Variants in ANGEL1 observed in about 807,000 individuals in gnomAD.
ANGEL1 encodes the protein RNA 2',3'-cyclic phosphatase ANGEL1.
A neutral mutation model predicts 76.4 loss-of-function variants in ANGEL1; 62 were observed. The ratio of observed to expected loss-of-function variants is 0.81; its 90% CI spans 0.66 to 1.00. The LOEUF is 1.00. ANGEL1 is among the 50% of genes least tolerant of loss of function. The pLI, the probability that ANGEL1 is intolerant of heterozygous loss-of-function variation, is 0.00. For synonymous variants in ANGEL1, 340 were observed against 331.7 expected, an observed-to-expected ratio of 1.03 and a Z score of -0.27; for missense variants, 737 against 836.7, an observed-to-expected ratio of 0.88 and a Z score of 1.47.
At chr14:76,812,401 C>A in intron 1 of ANGEL1, 1 of 1,089,222 alleles carries the variant, frequency 9.2e-7, no homozygotes, top group African/African-American at 1.6e-5. Context: ...TAGGTCCGAG[C>A]TACTACCCCT....
intron 7 of ANGEL1, 71 bp downstream of exon 7, chr14:76,803,300 A>G: frequency 8.2e-7 from 1 of 1,224,852 alleles, no homozygotes; most frequent in Non-Finnish European, 1.2e-6. Context: ...AAGAGCAGGA[A>G]ACCACATAAC....
In ANGEL1 at chr14:76,787,300, AC is replaced by A. The variant is rs1168783168; in HGVS notation, c.*1927del. On this transcript the variant is annotated 3_prime_UTR_variant, in exon 10 of 10. Coordinates refer to ENST00000251089, the MANE Select transcript of ANGEL1 (RefSeq NM_015305.4). Reference sequence around the variant, plus strand: ...AAAAGAGTTTAAATAACAATTTAAAACCCCATTTCACTTTCAAAACAGAAAC... The same window carrying A: ...AAAAGAGTTTAAATAACAATTTAAAACCCATTTCACTTTCAAAACAGAAAC... 2 of 152,244 alleles carry A rather than the reference AC, an allele frequency of 1.3e-5. No individual in the cohort carries two copies. Among genetic ancestry groups the A allele is most frequent in the African/African-American group, 4.8e-5 (2 of 41,462 alleles). The allele number at this position is 152,244 out of a possible 1,614,324, so 9.4% of individuals were successfully genotyped here. A position where few individuals can be genotyped will look rare whatever the true frequency, so the allele number is the denominator to read the frequency against.
chr14:76,790,896 C>T (rs946149579), intron 8 of ANGEL1, 122 bp from the exon 9 acceptor site: 2 of 1,331,758 alleles, frequency 1.5e-6, no homozygotes, highest in African/African-American at 3.0e-5. Flanking sequence ...CAATCTCAGC[C>T]AATTCCTCCC....
Position 76,806,563 on chromosome 14 carries a change from CAGG to C in ANGEL1, c.1230_1232del (p.Leu411del), listed in dbSNP as rs1380320953. 3 of 1,614,188 alleles carry C rather than the reference CAGG, an allele frequency of 1.9e-6. No individual in the cohort carries two copies. The highest frequency in any genetic ancestry group is 2.5e-6 in the Non-Finnish European group (3 of 1,180,034). On this transcript the variant is annotated inframe_deletion, in exon 5 of 10. Coordinates refer to ENST00000251089, the MANE Select transcript of ANGEL1 (RefSeq NM_015305.4). ...GTCTGGCCACCTTGTCCACTTCCGC[CAGG>C]AGAATGGCCATCTGGGCCAGCTTGA...
chr14:76,812,515 G>C (rs1274739600), intron 1 of ANGEL1: 1 of 1,240,712 alleles, frequency 8.1e-7, no homozygotes, highest in Non-Finnish European at 1.0e-6. Flanking sequence ...CACCTTAACC[G>C]CGGCCGGACG....
At position 76,790,767 on chromosome 14, in the gene ANGEL1, C is replaced by G; in HGVS notation, c.1696G>C (p.Gly566Arg). ...AGGTGGAGGCAGTGCTGGATGGTAC[C>G]TACAGTCCTACAGGGATGAAGGGGG... Reference protein sequence around the residue: ...ELEPAFSRTVGTIQHCLHLTS... With the variant: ...ELEPAFSRTVRTIQHCLHLTS... The change falls in exon 9 of 10, where the codon GGT (glycine) becomes CGT (arginine). Residue 566 changes from glycine (G) to arginine (R), a missense_variant. Physicochemically the swap from Gly to Arg is moderately radical, Grantham distance 125. This residue lies in a region of ANGEL1 where 296 missense variants were observed against 387.2 expected (regional missense o/e 0.76). Coordinates refer to ENST00000251089, the MANE Select transcript of ANGEL1 (RefSeq NM_015305.4). The G allele has an allele frequency of 6.3e-7, 1 of 1,594,600 alleles. No homozygotes were observed. Among genetic ancestry groups the G allele is most frequent in the Non-Finnish European group, 8.5e-7 (1 of 1,170,938 alleles).
chr14:76,804,225 C>T, intron 5 of ANGEL1: 1 of 1,395,942 alleles, frequency 7.2e-7, no homozygotes, highest in Non-Finnish European at 9.2e-7. Context: ...TTCTCCTCCA[C>T]AGGGAATATC....
intron 7 of ANGEL1, among the ~76,000 whole-genome samples, chr14:76,801,623 T>G (rs1308920242): frequency 6.6e-6 from 1 of 152,194 alleles, no homozygotes; most frequent in East Asian, 1.9e-4. Flanking sequence ...TTTCTAACCT[T>G]TAACTTCTCA....
chr14:76,795,321 C>G (rs574049542), intron 7 of ANGEL1, among the ~76,000 whole-genome samples: 53 of 152,208 alleles, frequency 3.5e-4, no homozygotes, highest in Admixed American at 8.5e-4. Context: ...CAATATTGAA[C>G]TATCCCTATA....
At chr14:76,790,903 T>A (rs1894386796) in intron 8 of ANGEL1, 129 bp from the exon 9 acceptor site, 1 of 1,304,886 alleles carries the variant, frequency 7.7e-7, no homozygotes, top group Non-Finnish European at 1.0e-6. Context: ...AGCCAATTCC[T>A]CCCCATGCTA....
intron 6 of ANGEL1, 31 bp from the exon 7 acceptor site, chr14:76,803,512 G>A (rs1264728402): frequency 3.1e-6 from 5 of 1,606,082 alleles, no homozygotes; most frequent in Non-Finnish European, 4.3e-6. Context: ...TATAGTGAAA[G>A]AAAGACGATG....
In ANGEL1 at chr14:76,806,836, G is replaced by T; in HGVS notation, c.960C>A (p.Phe320Leu). ...PSLRMMGFTCFYKRRTGCKTD... is the reference protein window; with the variant it reads ...PSLRMMGFTCLYKRRTGCKTD... ...TTTTACACCCAGTCCTCCTCTTGTAGAAACAGGTAAAGCCTGCAAGGAAAA... is the reference window on the plus strand; with the variant it reads ...TTTTACACCCAGTCCTCCTCTTGTATAAACAGGTAAAGCCTGCAAGGAAAA... Residue 320 changes from phenylalanine (F) to leucine (L), a missense_variant, in exon 5 of 10, where the codon TTC becomes TTA. Coordinates refer to ENST00000251089, the MANE Select transcript of ANGEL1 (RefSeq NM_015305.4). 1 of 1,613,280 alleles carries T rather than the reference G, an allele frequency of 6.2e-7. No individual in the cohort carries two copies. Among genetic ancestry groups the T allele is most frequent in the Non-Finnish European group, 8.5e-7 (1 of 1,179,638 alleles).
Position 76,807,418 on chromosome 14 carries a change from A to G in ANGEL1, c.946+15T>C, listed in dbSNP as rs1219549846. ...GGAAAGAAAAGCTGGCAAGCATCCCAGGGAGCTGCATTACCCATCATTCGC... is the reference window on the plus strand; with the variant it reads ...GGAAAGAAAAGCTGGCAAGCATCCCGGGGAGCTGCATTACCCATCATTCGC... On this transcript the variant is annotated intron_variant, in intron 4 of 9. Transcript: ENST00000251089. The G allele has an allele frequency of 1.9e-6, 3 of 1,607,722 alleles. No homozygotes were observed. Among genetic ancestry groups the G allele is most frequent in the Non-Finnish European group, 2.6e-6 (3 of 1,176,414 alleles).
chr14:76,796,648 T>C (rs994664584), intron 7 of ANGEL1, among the ~76,000 whole-genome samples: 9 of 152,140 alleles, frequency 5.9e-5, no homozygotes, highest in Non-Finnish European at 1.2e-4. Flanking sequence ...AAAAAGAAAA[T>C]GTCTTCTCTG....
Position 76,809,603 on chromosome 14 carries a change from G to A in ANGEL1, c.105C>T (p.Asn35=). The A allele has an allele frequency of 6.2e-7, 1 of 1,613,724 alleles. No homozygotes were observed. Among genetic ancestry groups the A allele is most frequent in the Non-Finnish European group, 8.5e-7 (1 of 1,179,836 alleles). Reference sequence around the variant, plus strand: ...CGCCCTCTACCTGGGGGGATGAGCTGTTCGCCAGAAGGACATTTTTTCGAC... The same window carrying A: ...CGCCCTCTACCTGGGGGGATGAGCTATTCGCCAGAAGGACATTTTTTCGAC... The part of the protein sequence containing the change: ...FTCRKNVLLA[N]SSSPQVEGDF... The change falls in exon 2 of 10, where the codon AAC becomes AAT. Residue 35 remains asparagine, a synonymous_variant. Transcript: ENST00000251089.
Position 76,786,488 on chromosome 14 carries a change from T to C in ANGEL1, c.*2740A>G, listed in dbSNP as rs897937199. On this transcript the variant is annotated 3_prime_UTR_variant, in exon 10 of 10. Coordinates refer to ENST00000251089, the MANE Select transcript of ANGEL1 (RefSeq NM_015305.4). Reference sequence around the variant, plus strand: ...CTAAGTTTTCTTTTTACTAAATCAATTGAGGGGATCGCAACCCAGGTAGTG... The same window carrying C: ...CTAAGTTTTCTTTTTACTAAATCAACTGAGGGGATCGCAACCCAGGTAGTG... 3 of 151,856 alleles carry C rather than the reference T, an allele frequency of 2.0e-5. No homozygotes were observed. Among genetic ancestry groups the C allele is most frequent in the Non-Finnish European group, 2.9e-5 (2 of 68,010 alleles). 9.4% of individuals were successfully genotyped at this position (151,856 alleles called of 1,614,324 possible). A position where few individuals can be genotyped will look rare whatever the true frequency, so the allele number is the denominator to read the frequency against.
In ANGEL1 at chr14:76,786,554, C is replaced by G. The variant is rs1392019627; in HGVS notation, c.*2674G>C. The G allele has an allele frequency of 6.6e-6, 1 of 152,172 alleles. No homozygotes were observed. Among genetic ancestry groups the G allele is most frequent in the Non-Finnish European group, 1.5e-5 (1 of 68,036 alleles). 9.4% of individuals were successfully genotyped at this position (152,172 alleles called of 1,614,324 possible). On this transcript the variant is annotated 3_prime_UTR_variant, in exon 10 of 10. Coordinates refer to ENST00000251089, the MANE Select transcript of ANGEL1 (RefSeq NM_015305.4). ...AGTGGCTTTAAATCAATCAGATTCT[C>G]AGAGACTGATTCAGAGGCCTGGTGT...
At chr14:76,789,763 C>T (rs1319118861) in intron 9 of ANGEL1, among the ~76,000 whole-genome samples, 1 of 150,564 alleles carries the variant, frequency 6.6e-6, no homozygotes, top group Non-Finnish European at 1.5e-5. Context: ...GGCGCAATCT[C>T]AGCTCACTGC....
At chr14:76,803,304 A>T (rs1404903061) in intron 7 of ANGEL1, 67 bp downstream of exon 7, 2 of 1,288,036 alleles carry the variant, frequency 1.6e-6, no homozygotes, top group Non-Finnish European at 2.2e-6. Context: ...GCAGGAAACC[A>T]CATAACTGAC....
Sources: gnomAD v4.1 joint callset for allele counts (sites outside exome capture counted in the v4.1 genomes callset) on GRCh38, gnomAD v4.1.1 for gene constraint, gnomAD v4.1.1 regional missense constraint, MANE v1.5 for transcripts, NCBI Gene and HGNC (gene_info 2026-07-23, HGNC 2026-07-21) for gene names.